Variants in PUM2 observed in about 807,000 individuals in gnomAD.
The protein encoded by PUM2 is pumilio homolog 2.
In PUM2, 57 loss-of-function variants were observed where a neutral mutation model predicts 124.5. That is an observed-to-expected ratio of 0.46 (90% CI 0.37 to 0.57). The LOEUF (loss-of-function observed/expected upper bound fraction) is 0.57. Ranked by LOEUF, PUM2 falls within the 20% of genes least tolerant of loss-of-function variation. The probability of loss-of-function intolerance (pLI) is 0.00; values close to 1 mark genes in which losing one functional copy is unlikely to be tolerated. For missense variants in PUM2, 1,065 were observed against 1,290.6 expected (o/e 0.83, Z 2.68); for synonymous variants, 460 against 446.1 (o/e 1.03, Z -0.39).
chr2:20,297,740 T>A, intron 7 of PUM2, 62 bp from the exon 8 acceptor site: 5 of 1,460,106 alleles, frequency 3.4e-6, no homozygotes, highest in Non-Finnish European at 3.8e-6. Flanking sequence ...TTTCATTAGA[T>A]AAAAACATTT....
intron 13 of PUM2, among the ~76,000 whole-genome samples, chr2:20,265,219 T>C (rs1001259356): frequency 6.8e-6 from 1 of 147,010 alleles, no homozygotes; most frequent in Admixed American, 7.0e-5. Flanking sequence ...ACCACCGCAG[T>C]CCAGCCTGGG....
At chr2:20,290,399 C>T (rs1309160452) in intron 10 of PUM2, among the ~76,000 whole-genome samples, 2 of 151,516 alleles carry the variant, frequency 1.3e-5, no homozygotes, top group African/African-American at 4.9e-5. Flanking sequence ...TAGATAGATG[C>T]TATAAAAAAA....
Position 20,263,230 on chromosome 2 carries a change from G to C in PUM2, c.2188C>G (p.His730Asp). Residue 730 changes from histidine (H) to aspartate (D), a missense_variant, in exon 14 of 21, where the codon CAT becomes GAT. His to Asp is a moderately conservative substitution (Grantham distance 81). This residue lies in a region of PUM2 where 968 missense variants were observed against 1,159.8 expected (regional missense o/e 0.83). Transcript: ENST00000361078. ...TGGTCTTGAGAAAACTCAACTATAT[G>C]TCCAATCAAGTCTCTAAGCTGAAGG... ...PNLQLRDLIGHIVEFSQDQHG... is the reference protein window; with the variant it reads ...PNLQLRDLIGDIVEFSQDQHG... 1 of 1,603,020 alleles carries C rather than the reference G, an allele frequency of 6.2e-7. No individual in the cohort carries two copies. The highest frequency in any genetic ancestry group is 8.5e-7 in the Non-Finnish European group (1 of 1,169,936).
intron 9 of PUM2, 122 bp downstream of exon 9, chr2:20,294,254 T>C (rs781732953): frequency 9.4e-7 from 1 of 1,061,910 alleles, no homozygotes; most frequent in Non-Finnish European, 1.3e-6. Context: ...GCGTATCAAC[T>C]GTATGCCAGG....
intron 10 of PUM2, among the ~76,000 whole-genome samples, chr2:20,284,985 C>T (rs971232268): frequency 6.6e-6 from 1 of 152,172 alleles, no homozygotes; most frequent in Non-Finnish European, 1.5e-5. Context: ...GTGGTCTAGT[C>T]CTAAATCCAA....
At chr2:20,268,814 A>C (rs574234418) in intron 13 of PUM2, among the ~76,000 whole-genome samples, 8 of 152,238 alleles carry the variant, frequency 5.3e-5, no homozygotes, top group Non-Finnish European at 2.9e-5. Context: ...TCAGAATTTA[A>C]AATTTTTTGT....
chr2:20,318,521 T>A lies in PUM2; in HGVS notation c.160+16A>T. 6.4e-7 allele frequency: 1 copy of A among 1,573,608 alleles called. No homozygotes were observed. Among genetic ancestry groups the A allele is most frequent in the Non-Finnish European group, 8.7e-7 (1 of 1,144,930 alleles). On this transcript the variant is annotated intron_variant, in intron 3 of 20. Coordinates refer to ENST00000361078, the MANE Select transcript of PUM2 (RefSeq NM_015317.5). The stretch of plus-strand genomic sequence containing the variant: ...TAAATATATTCACAATTCTCACACA[T>A]ATACCAGTAACTTACGAGAAGCTCC...
intron 8 of PUM2, among the ~76,000 whole-genome samples, chr2:20,297,325 A>C (rs1163326710): frequency 6.6e-6 from 1 of 152,214 alleles, no homozygotes; most frequent in Non-Finnish European, 1.5e-5. Flanking sequence ...ATAAAGCTGA[A>C]ATGTAAGCCA....
chr2:20,297,701 T>C, intron 7 of PUM2, 23 bp from the exon 8 acceptor site: 3 of 1,599,206 alleles, frequency 1.9e-6, no homozygotes, highest in Non-Finnish European at 2.6e-6. Context: ...AGGGGAGAAA[T>C]AATAAACAAC....
Position 20,310,968 on chromosome 2 carries a change from A to C in PUM2, c.518+526T>G, listed in dbSNP as rs62124592. On this transcript the variant is annotated intron_variant, in intron 5 of 20. Transcript: ENST00000361078. ...TAAAGCTAACTTTTAGAAGTCTCTA[A>C]TATGTTCCCTATTTGCTATTTGCAG... Among the ~76,000 whole-genome samples, 719 of 152,242 alleles carry C rather than the reference A, an allele frequency of 4.7e-3. 2 individuals are homozygous for C. Among genetic ancestry groups the C allele is most frequent in the Middle Eastern group, 0.02 (6 of 294 alleles).
At chr2:20,348,668 G>C (rs558803782) in intron 1 of PUM2, among the ~76,000 whole-genome samples, 1 of 152,352 alleles carries the variant, frequency 6.6e-6, no homozygotes, top group South Asian at 2.1e-4. Flanking sequence ...GGTGGCTCAC[G>C]CCTGTAATCC....
intron 1 of PUM2, among the ~76,000 whole-genome samples, chr2:20,331,250 C>T (rs1482328667): frequency 6.7e-6 from 1 of 149,602 alleles, no homozygotes; most frequent in Non-Finnish European, 1.5e-5. Context: ...TCCTTGGTGG[C>T]CATGTGGTCA....
Position 20,320,040 on chromosome 2 carries a change from G to A in PUM2, c.52-1395C>T, listed in dbSNP as rs1367338278. ...CCCAGCACTTTGGGAGGCCTAGACA[G>A]GTGGATCACGAGGTCAGGAGTTCAA... On this transcript the variant is annotated intron_variant, in intron 2 of 20. Coordinates refer to ENST00000361078, the MANE Select transcript of PUM2 (RefSeq NM_015317.5). Among the ~76,000 whole-genome samples the A allele has an allele frequency of 2.6e-5, 4 of 152,274 alleles. No individual in the cohort carries two copies. In the East Asian group the frequency reaches 7.7e-4, roughly 29 times the overall value.
intron 8 of PUM2, among the ~76,000 whole-genome samples, chr2:20,296,304 G>A (rs1675523539): frequency 6.6e-6 from 1 of 152,144 alleles, no homozygotes; most frequent in South Asian, 2.1e-4. Context: ...GACCATCCTG[G>A]CTAACACAGT....
At chr2:20,311,795 CAATT>C (rs1163812279) in intron 4 of PUM2, 132 bp from the exon 5 acceptor site, 7 of 1,067,956 alleles carry the variant, frequency 6.6e-6, no homozygotes, top group Non-Finnish European at 9.0e-6. Flanking sequence ...ATTTCGTAGT[CAATT>C]AATTTATCAA....
At chr2:20,258,650 C>CTTTTTGT (rs1665413070) in intron 15 of PUM2, among the ~76,000 whole-genome samples, 1 of 93,842 alleles carries the variant, frequency 1.1e-5, no homozygotes, top group Non-Finnish European at 2.0e-5. Context: ...AACCCTTCAT[C>CTTTTTGT]TTTTTTTTTT....
At chr2:20,278,490 C>A in intron 13 of PUM2, 93 bp downstream of exon 13, 1 of 1,093,404 alleles carries the variant, frequency 9.1e-7, no homozygotes, top group Non-Finnish European at 1.3e-6. Flanking sequence ...ATGTTTTAAC[C>A]AACATTAAAT....
chr2:20,260,307 G>A (rs1402855223), intron 15 of PUM2, 30 bp downstream of exon 15: 2 of 1,581,672 alleles, frequency 1.3e-6, no homozygotes, highest in Non-Finnish European at 1.7e-6. Flanking sequence ...AGCTGGATGG[G>A]CGGATATACA....
rs1481004565 is a variant in PUM2, at chr2:20,346,883, A to G, written c.-19+3714T>C. Among the ~76,000 whole-genome samples the G allele has an allele frequency of 4.6e-5, 7 of 152,278 alleles. No individual in the cohort carries two copies. The East Asian group carries it at 1.4e-3, about 29-fold the overall frequency. On this transcript the variant is annotated intron_variant, in intron 1 of 20. Coordinates refer to ENST00000361078, the MANE Select transcript of PUM2 (RefSeq NM_015317.5). ...TTTAGGGGGCTTCTGTGGTCCCAAC[A>G]TATTTAGCTCCAAATAGGTGATGAC... is the stretch of plus-strand genomic sequence containing the variant.
Sources: allele counts gnomAD v4.1 joint callset (sites outside exome capture counted in the v4.1 genomes callset), GRCh38; gene constraint gnomAD v4.1.1; regional missense constraint gnomAD v4.1.1; transcripts MANE v1.5; gene names NCBI Gene and HGNC (gene_info 2026-07-23, HGNC 2026-07-21).